OPA3: variants seen among roughly 807,000 people sequenced by gnomAD.
The protein encoded by OPA3 is optic atrophy 3 protein.
Under a neutral mutation model 4.0 loss-of-function variants are expected in OPA3, and 6 were observed. The observed-to-expected ratio is 1.51, with a 90% CI of 0.83 to 2.99. The LOEUF (loss-of-function observed/expected upper bound fraction) is 2.99. OPA3 is among the 30% of genes most tolerant of loss of function. The probability of loss-of-function intolerance (pLI) is 0.00; values close to 1 mark genes in which losing one functional copy is unlikely to be tolerated. For synonymous variants in OPA3, 105 were observed against 117.1 expected, an observed-to-expected ratio of 0.90 and a Z score of 0.67; for missense variants, 235 against 256.2, an observed-to-expected ratio of 0.92 and a Z score of 0.56.
At chr19:45,527,859 C>T (rs1969010123) in exon 2 of OPA3, 1 of 152,244 alleles carries the variant, frequency 6.6e-6, no homozygotes, top group Non-Finnish European at 1.5e-5. Context: ...ATCCACGCCC[C>T]CTTCAGTTGT....
At position 45,553,860 on chromosome 19, in the gene OPA3, C is replaced by T. The variant is rs144382886; in HGVS notation, c.194G>A (p.Gly65Asp). 1 of 1,611,608 alleles carries T rather than the reference C, an allele frequency of 6.2e-7. No homozygotes were observed. ...RTKMRIMGFR[G>D]TVIKPLNEEA... ...CTCGTTCAGCGGCTTGATGACCGTG[C>T]CCCGGAAGCCCATGATGCGCATCTT... The change falls in exon 2 of 2, where the codon GGC (glycine) becomes GAC (aspartate). Residue 65 changes from glycine to aspartate, a missense_variant. Transcript: ENST00000263275.
chr19:45,557,225 C>T (rs1181531980), intron 1 of OPA3, among the ~76,000 whole-genome samples: 1 of 152,158 alleles, frequency 6.6e-6, no homozygotes, highest in Admixed American at 6.5e-5. Context: ...TGGGCACATA[C>T]CCAGGCCACA....
At chr19:45,563,405 G>T (rs1246464689) in intron 1 of OPA3, among the ~76,000 whole-genome samples, 3 of 151,848 alleles carry the variant, frequency 2.0e-5, no homozygotes, top group African/African-American at 7.3e-5. Context: ...TGATCCACCC[G>T]CCTCGGCCTC....
chr19:45,584,429 G>GC lies in OPA3; in HGVS notation c.142+193dup, dbSNP rs1408825768. ...TACTCGCGTGGTGGCTCCTTGACCC[G>GC]CCCCTTACGCCCCGCCCCGCCCTCA... On this transcript the variant is annotated intron_variant, in intron 1 of 1. Coordinates refer to ENST00000263275, the MANE Select transcript of OPA3 (RefSeq NM_025136.4). The GC allele has an allele frequency of 1.4e-4, 141 of 982,734 alleles. 1 individual carries two copies. In the South Asian group the frequency reaches 1.9e-3, roughly 13 times the overall value. 60.9% of individuals were successfully genotyped at this position (982,734 alleles called of 1,614,324 possible). A position where few individuals can be genotyped will look rare whatever the true frequency, so the allele number is the denominator to read the frequency against.
chr19:45,576,545 C>CT (rs1324308725), intron 1 of OPA3, among the ~76,000 whole-genome samples: 4 of 145,522 alleles, frequency 2.7e-5, no homozygotes, highest in African/African-American at 7.9e-5. Context: ...TCCCCCCCCC[C>CT]CCAAAAAAAA....
chr19:45,549,732 G>C lies in OPA3; in HGVS notation c.*3782C>G. ...TAACATCATGTGATCAGTCCACCTT[G>C]GCCTCTCAAAGTGCTGGGATGACAG... On this transcript the variant is annotated 3_prime_UTR_variant, in exon 2 of 2. Coordinates refer to ENST00000263275, the MANE Select transcript of OPA3 (RefSeq NM_025136.4). The C allele has an allele frequency of 3.1e-6, 3 of 979,864 alleles. No homozygotes were observed. The highest frequency in any genetic ancestry group is 3.6e-6 in the Non-Finnish European group (3 of 825,098). The allele number at this position is 979,864 out of a possible 1,614,324, so 60.7% of individuals were successfully genotyped here.
chr19:45,561,833 C>T (rs1044677779), intron 1 of OPA3, among the ~76,000 whole-genome samples: 23 of 151,870 alleles, frequency 1.5e-4, no homozygotes, highest in African/African-American at 4.6e-4. Context: ...CCCAGCTACC[C>T]GGGAGGCTGA....
chr19:45,573,429 C>G (rs1414497126), intron 1 of OPA3, among the ~76,000 whole-genome samples: 1 of 152,090 alleles, frequency 6.6e-6, no homozygotes, highest in Non-Finnish European at 1.5e-5. Context: ...CCGGCCTGGG[C>G]AACAAGAGCG....
In OPA3 at chr19:45,546,908, A is replaced by T. The variant is rs1969257237; in HGVS notation, c.*6606T>A. The T allele has an allele frequency of 6.6e-6, 1 of 152,054 alleles. No individual in the cohort carries two copies. The highest frequency in any genetic ancestry group is 2.4e-5 in the African/African-American group (1 of 41,376). 9.4% of individuals were successfully genotyped at this position (152,054 alleles called of 1,614,324 possible). ...GGTCTCGAACTCCTGACTTCAAGTGATCCTCCCACCTTGGTCTTCCAAAGT... is the reference window on the plus strand; with the variant it reads ...GGTCTCGAACTCCTGACTTCAAGTGTTCCTCCCACCTTGGTCTTCCAAAGT... On this transcript the variant is annotated 3_prime_UTR_variant, in exon 2 of 2. Transcript: ENST00000263275.
At chr19:45,532,098 AG>A (rs1191931361) in intron 1 of OPA3, among the ~76,000 whole-genome samples, 1 of 152,208 alleles carries the variant, frequency 6.6e-6, no homozygotes, top group East Asian at 1.9e-4. Flanking sequence ...TGGAGGGGCT[AG>A]AATCTAAGGG....
At chr19:45,539,464 T>C (rs1466775622) in intron 1 of OPA3, among the ~76,000 whole-genome samples, 2 of 152,172 alleles carry the variant, frequency 1.3e-5, no homozygotes, top group Non-Finnish European at 2.9e-5. Flanking sequence ...ATTTTTATTT[T>C]TTCTGCCACG....
chr19:45,543,381 C>T (rs923355638), downstream of OPA3, among the ~76,000 whole-genome samples: 7 of 151,210 alleles, frequency 4.6e-5, no homozygotes, highest in Non-Finnish European at 8.8e-5. Flanking sequence ...AGTGCAGTGA[C>T]GTGATCTCGG....
chr19:45,564,659 G>A (rs561534112), intron 1 of OPA3, among the ~76,000 whole-genome samples: 7 of 152,210 alleles, frequency 4.6e-5, no homozygotes, highest in Admixed American at 2.0e-4. Flanking sequence ...AGGTGATGAC[G>A]ATGGGAAGGA....
At chr19:45,544,457 C>T (rs543787296), downstream of OPA3, among the ~76,000 whole-genome samples, 5 of 151,964 alleles carry the variant, frequency 3.3e-5, no homozygotes, top group African/African-American at 1.2e-4. Context: ...GTCGGGAGTT[C>T]GAGACCAGCC....
At chr19:45,584,411 G>A (rs903641010) in intron 1 of OPA3, 31 of 985,146 alleles carry the variant, frequency 3.1e-5, no homozygotes, top group Admixed American at 6.2e-5. Context: ...TCCTACTCGC[G>A]TGGTGGCTCC....
At chr19:45,576,169 G>C (rs547517724) in intron 1 of OPA3, among the ~76,000 whole-genome samples, 1 of 152,106 alleles carries the variant, frequency 6.6e-6, no homozygotes, top group Non-Finnish European at 1.5e-5. Context: ...GTTGCAGGGA[G>C]CTGAGATCAT....
chr19:45,561,563 C>T (rs1969503427), intron 1 of OPA3, among the ~76,000 whole-genome samples: 1 of 152,208 alleles, frequency 6.6e-6, no homozygotes, highest in Non-Finnish European at 1.5e-5. Flanking sequence ...CCCGTGGAAC[C>T]GGTAACCGGA....
chr19:45,547,989 G>A lies in OPA3; in HGVS notation c.*5525C>T, dbSNP rs117230006. 0.13 allele frequency: 62,096 copies of A among 471,972 alleles called. 4,269 individuals carry two copies. Among genetic ancestry groups the A allele is most frequent in the Middle Eastern group, 0.15 (138 of 950 alleles). 29.2% of individuals were successfully genotyped at this position (471,972 alleles called of 1,614,324 possible). ...TGAGATTACAGGTGTGAGCCACCAC[G>A]CCTGGCCACTCTTTCCTTCTTTATT... On this transcript the variant is annotated 3_prime_UTR_variant, in exon 2 of 2. Transcript: ENST00000263275.
chr19:45,540,085 G>A lies in OPA3; in HGVS notation c.143-10629C>T, dbSNP rs200421496. ...TGTAATCCCAGCACTTTGGGAGGCC[G>A]AGGCAGGTGGATCACGAGCTCAGGA... On this transcript the variant is annotated intron_variant, in intron 1 of 1. Transcript: ENST00000323060. Among the ~76,000 whole-genome samples the A allele has an allele frequency of 2.0e-4, 31 of 152,194 alleles. 1 individual carries two copies. In the South Asian group the frequency reaches 4.8e-3, roughly 23 times the overall value.
Sources: allele counts gnomAD v4.1 joint callset (sites outside exome capture counted in the v4.1 genomes callset), GRCh38; gene constraint gnomAD v4.1.1; transcripts MANE v1.5; gene names NCBI Gene and HGNC (gene_info 2026-07-23, HGNC 2026-07-21).